RMST: variants seen among roughly 807,000 people sequenced by gnomAD.
RMST encodes the protein long intergenic non-protein coding RNA 54.
At chr12:97,508,909 G>C (rs1592704944) in intron 10 of RMST, among the ~76,000 whole-genome samples, 1 of 152,174 alleles carries the variant, frequency 6.6e-6, no homozygotes, top group African/African-American at 2.4e-5. Flanking sequence ...AGGCAGAAAG[G>C]CTTAATTTAT....
At chr12:97,564,171 T>C in exon 14 of RMST, 1 of 247,608 alleles carries the variant, frequency 4.0e-6, no homozygotes, top group Non-Finnish European at 8.1e-6. Context: ...GGGGAACTAT[T>C]AATAGCCCAC....
At position 97,488,772 on chromosome 12, in the gene RMST, G is replaced by A. The variant is rs369641188; in HGVS notation, n.645-3689G>A. Among the ~76,000 whole-genome samples the A allele has an allele frequency of 1.6e-4, 24 of 152,260 alleles. No individual in the cohort carries two copies. The East Asian group carries it at 4.3e-3, about 27-fold the overall frequency. On this transcript the variant is annotated intron_variant and non_coding_transcript_variant, in intron 5 of 13. Transcript: ENST00000640149. Reference sequence around the variant, plus strand: ...CAATCCGTTCCGTTTTCTTTGTATAGCACTTACCCAGTAGCTCCATACAAG... The same window carrying A: ...CAATCCGTTCCGTTTTCTTTGTATAACACTTACCCAGTAGCTCCATACAAG...
At chr12:97,508,277 T>C (rs1878910725) in intron 10 of RMST, among the ~76,000 whole-genome samples, 1 of 152,062 alleles carries the variant, frequency 6.6e-6, no homozygotes, top group Non-Finnish European at 1.5e-5. Flanking sequence ...AAGATGTTTA[T>C]AATGAAAGAA....
intron 10 of RMST, among the ~76,000 whole-genome samples, chr12:97,514,949 C>G (rs1177079711): frequency 6.6e-6 from 1 of 151,994 alleles, no homozygotes; most frequent in Non-Finnish European, 1.5e-5. Flanking sequence ...TTTGTGAAAC[C>G]TTTTTTTGTG....
At position 97,553,000 on chromosome 12, in the gene RMST, T is replaced by G. The variant is rs144433599; in HGVS notation, n.1546-7537T>G. On this transcript the variant is annotated intron_variant and non_coding_transcript_variant, in intron 11 of 13. Coordinates refer to ENST00000640149, the Ensembl canonical transcript of RMST. ...CATGTGCTAGGTCAGCCTACCAGCA[T>G]TTCAACACTTATGGTCATCATCTCT... Among the ~76,000 whole-genome samples, 6 of 152,292 alleles carry G rather than the reference T, an allele frequency of 3.9e-5. No individual in the cohort carries two copies. In the East Asian group the frequency reaches 1.2e-3, roughly 30 times the overall value.
At chr12:97,559,984 G>A (rs1472073590) in intron 11 of RMST, among the ~76,000 whole-genome samples, 1 of 152,104 alleles carries the variant, frequency 6.6e-6, no homozygotes, top group African/African-American at 2.4e-5. Flanking sequence ...AACTTTTGGT[G>A]TCAAAACAGG....
intron 11 of RMST, among the ~76,000 whole-genome samples, chr12:97,552,769 G>A (rs962173088): frequency 1.3e-5 from 2 of 152,154 alleles, no homozygotes; most frequent in Non-Finnish European, 2.9e-5. Flanking sequence ...TGTAAGAAAT[G>A]CAACCCAGCT....
chr12:97,505,294 C>A (rs945655388), intron 10 of RMST, among the ~76,000 whole-genome samples: 1 of 152,216 alleles, frequency 6.6e-6, no homozygotes, highest in African/African-American at 2.4e-5. Context: ...TCTCGGCAAT[C>A]AGTGATGAAT....
chr12:97,518,830 G>T (rs1332743747), intron 10 of RMST, among the ~76,000 whole-genome samples: 1 of 152,060 alleles, frequency 6.6e-6, no homozygotes, highest in Non-Finnish European at 1.5e-5. Flanking sequence ...GGAGTGCAGT[G>T]GTGCAATCAT....
rs534467035 is a variant in RMST, at chr12:97,522,680, AAGATT to A, written n.1341-7971_1341-7967del. Among the ~76,000 whole-genome samples the A allele has an allele frequency of 1.8e-3, 270 of 152,312 alleles. 3 individuals carry two copies. The Middle Eastern group carries it at 0.034, about 19-fold the overall frequency. ...TAACCTAGGTTAAAAAGGTAATAAA[AAGATT>A]AGAAATACAAATGCATTTCATGTTA... On this transcript the variant is annotated intron_variant and non_coding_transcript_variant, in intron 10 of 13. Coordinates refer to ENST00000640149, the Ensembl canonical transcript of RMST.
chr12:97,547,121 T>G (rs975944181), intron 11 of RMST, among the ~76,000 whole-genome samples: 3 of 151,218 alleles, frequency 2.0e-5, no homozygotes, highest in African/African-American at 7.3e-5. Flanking sequence ...AAGATTGAAC[T>G]GGAGGTCAAC....
At chr12:97,517,049 A>G (rs1488712741) in intron 10 of RMST, among the ~76,000 whole-genome samples, 1 of 151,952 alleles carries the variant, frequency 6.6e-6, no homozygotes, top group African/African-American at 2.4e-5. Context: ...ATGTGTATGT[A>G]TTTATTTCAG....
intron 10 of RMST, among the ~76,000 whole-genome samples, chr12:97,524,654 G>A (rs1880906727): frequency 1.3e-5 from 2 of 152,148 alleles, no homozygotes; most frequent in African/African-American, 4.8e-5. Flanking sequence ...GAGGCAACAG[G>A]TTGCCTAGGA....
chr12:97,508,563 A>G (rs1027306571), intron 10 of RMST, among the ~76,000 whole-genome samples: 1 of 152,238 alleles, frequency 6.6e-6, no homozygotes, highest in Non-Finnish European at 1.5e-5. Flanking sequence ...AGCTGAGAAG[A>G]TGCAAGTGAA....
chr12:97,472,831 T>C (rs1289562916), intron 5 of RMST, among the ~76,000 whole-genome samples: 4 of 152,164 alleles, frequency 2.6e-5, no homozygotes, highest in African/African-American at 9.6e-5. Flanking sequence ...ACCCCAATAA[T>C]CACAATTATT....
chr12:97,533,377 C>T (rs1479567636), intron 11 of RMST: 1 of 151,734 alleles, frequency 6.6e-6, no homozygotes, highest in Non-Finnish European at 1.5e-5. Flanking sequence ...GAAATGCGTG[C>T]TTTTTGGTAC....
chr12:97,518,624 C>G (rs1880182080), intron 10 of RMST, among the ~76,000 whole-genome samples: 1 of 152,144 alleles, frequency 6.6e-6, no homozygotes, highest in African/African-American at 2.4e-5. Context: ...TCAAGACTAT[C>G]TTGAGACAGA....
chr12:97,544,462 T>C lies in RMST; in HGVS notation n.1545+13603T>C, dbSNP rs943901534. On this transcript the variant is annotated intron_variant and non_coding_transcript_variant, in intron 11 of 13. Transcript: ENST00000640149. ...TCCTTAAAAACTGGTGAAAATCAAC[T>C]CTAGACACATAGGTAATCAGAGAGT... Among the ~76,000 whole-genome samples the C allele has an allele frequency of 8.5e-5, 13 of 152,084 alleles. No homozygotes were observed. The East Asian group carries it at 2.1e-3, about 25-fold the overall frequency.
chr12:97,528,513 C>T (rs1881331878), intron 10 of RMST, among the ~76,000 whole-genome samples: 1 of 152,100 alleles, frequency 6.6e-6, no homozygotes, highest in Admixed American at 6.6e-5. Context: ...AAAGATCTTT[C>T]TGACTCATTC....
Sources: allele counts gnomAD v4.1 joint callset (sites outside exome capture counted in the v4.1 genomes callset), GRCh38; gene constraint gnomAD v4.1.1; transcripts MANE v1.5; gene names NCBI Gene and HGNC (gene_info 2026-07-23, HGNC 2026-07-21).